The following PNPLA8 variants were observed in gnomAD, a reference collection of about 807,000 sequenced individuals.
PNPLA8 encodes the protein patatin like domain 8, phospholipase A2.
In PNPLA8, 39 loss-of-function variants were observed where a neutral mutation model predicts 76.9. The observed-to-expected ratio is 0.51, with a 90% CI of 0.39 to 0.66. The LOEUF is 0.66. PNPLA8 is among the 30% of genes least tolerant of loss of function. PNPLA8 has a pLI of 0.00. For missense variants in PNPLA8, 887 were observed against 918.0 expected (o/e 0.97, Z 0.44); for synonymous variants, 301 against 307.9 (o/e 0.98, Z 0.24).
chr7:108,515,606 A>T (rs40877), intron 2 of PNPLA8, 32 bp from the exon 3 acceptor site: 6 of 1,228,034 alleles, frequency 4.9e-6, no homozygotes, highest in South Asian at 3.5e-5. Flanking sequence ...TTAGAATTCA[A>T]GTTAAAAATT....
At chr7:108,518,388 C>G (rs996615024) in intron 2 of PNPLA8, 1 of 152,132 alleles carries the variant, frequency 6.6e-6, no homozygotes, top group African/African-American at 2.4e-5. Context: ...AGTATTTTTA[C>G]TGCCCTAAAA....
At chr7:108,506,315 T>C (rs1172607503) in intron 4 of PNPLA8, among the ~76,000 whole-genome samples, 5 of 151,768 alleles carry the variant, frequency 3.3e-5, no homozygotes, top group South Asian at 2.1e-4. Context: ...GAGGCGGAGG[T>C]TGCAGCAAGC....
Position 108,514,890 on chromosome 7 carries a change from C to A in PNPLA8, c.602G>T (p.Gly201Val). 6.2e-7 allele frequency: 1 copy of A among 1,608,638 alleles called. No individual in the cohort carries two copies. Among genetic ancestry groups the A allele is most frequent in the Non-Finnish European group, 8.5e-7 (1 of 1,177,078 alleles). Residue 201 changes from glycine to valine, a missense_variant, in exon 3 of 11, where the codon GGA (glycine) becomes GTA (valine). By Grantham distance (109) the Gly-to-Val change is moderately radical. Transcript: ENST00000257694. ...HYTSSITTKF[G>V]DSFYFLSNHI... Reference sequence around the variant, plus strand: ...ATTTGATAAAAAGTAGAATGAGTCTCCAAATTTTGTGGTTATAGAACTTGT... The same window carrying A: ...ATTTGATAAAAAGTAGAATGAGTCTACAAATTTTGTGGTTATAGAACTTGT...
At chr7:108,509,857 A>T (rs1402662453) in intron 4 of PNPLA8, among the ~76,000 whole-genome samples, 2 of 145,188 alleles carry the variant, frequency 1.4e-5, no homozygotes, top group Admixed American at 1.4e-4. Flanking sequence ...ATAAAAAATG[A>T]TGAGTTCATG....
At chr7:108,510,448 G>A in intron 4 of PNPLA8, 1 of 1,460,450 alleles carries the variant, frequency 6.8e-7, no homozygotes, top group Non-Finnish European at 9.5e-7. Context: ...GAATGGCGAG[G>A]ATGGCAAGAA....
In PNPLA8 at chr7:108,515,466, A is replaced by G. The variant is rs774508387; in HGVS notation, c.26T>C (p.Ile9Thr). Residue 9 changes from isoleucine to threonine, a missense_variant, in exon 3 of 11, where the codon ATA becomes ACA. Physicochemically the swap from Ile to Thr is moderately conservative, Grantham distance 89. Transcript: ENST00000257694. MSINLTVD[I>T]YIYLLSNARS... is the part of the protein sequence containing the mutation. ...TGCATTACTAAGGAGGTAAATATAT[A>G]TATCTACAGTCAGATTAATAGACAT... 13 of 1,541,826 alleles carry G rather than the reference A, an allele frequency of 8.4e-6. No homozygotes were observed. The highest frequency in any genetic ancestry group is 1.0e-5 in the Non-Finnish European group (12 of 1,144,460).
chr7:108,492,570 G>C (rs1253452814), intron 7 of PNPLA8, among the ~76,000 whole-genome samples: 1 of 151,526 alleles, frequency 6.6e-6, no homozygotes, highest in Non-Finnish European at 1.5e-5. Flanking sequence ...ATATAAACTT[G>C]TAAAAAAAGC....
At chr7:108,493,381 G>A (rs1320712434) in intron 7 of PNPLA8, among the ~76,000 whole-genome samples, 1 of 151,858 alleles carries the variant, frequency 6.6e-6, no homozygotes, top group Non-Finnish European at 1.5e-5. Flanking sequence ...AGTATTGATT[G>A]TATGAATACT....
intron 4 of PNPLA8, among the ~76,000 whole-genome samples, chr7:108,504,769 T>C (rs1862217561): frequency 6.6e-6 from 1 of 152,094 alleles, no homozygotes. Context: ...CACACAAATA[T>C]ACCAGTGGAA....
chr7:108,503,360 T>C (rs1297996995), intron 4 of PNPLA8, among the ~76,000 whole-genome samples: 2 of 152,230 alleles, frequency 1.3e-5, no homozygotes, highest in Non-Finnish European at 1.5e-5. Flanking sequence ...ATAATTCTGC[T>C]GTGCAACCTT....
chr7:108,505,762 T>C (rs924606628), intron 4 of PNPLA8, among the ~76,000 whole-genome samples: 3 of 152,114 alleles, frequency 2.0e-5, no homozygotes, highest in African/African-American at 7.2e-5. Flanking sequence ...AAATTAAGAA[T>C]ATCTGTTCAT....
chr7:108,496,257 A>G (rs989322407), intron 7 of PNPLA8, among the ~76,000 whole-genome samples: 17 of 152,190 alleles, frequency 1.1e-4, no homozygotes, highest in African/African-American at 3.9e-4. Flanking sequence ...AAAAATAAAA[A>G]TAATTGAATA....
chr7:108,512,679 C>T (rs1863026407), intron 4 of PNPLA8, among the ~76,000 whole-genome samples: 1 of 152,130 alleles, frequency 6.6e-6, no homozygotes. Context: ...CTAGAGTGTA[C>T]ATGCTGACAC....
At chr7:108,497,709 A>C (rs1446743466) in intron 5 of PNPLA8, 132 bp from the exon 6 acceptor site, 2 of 453,190 alleles carry the variant, frequency 4.4e-6, no homozygotes, top group Non-Finnish European at 3.7e-6. Flanking sequence ...TATAAATCAA[A>C]ATCAGTAAAA....
chr7:108,496,849 G>T, intron 6 of PNPLA8, 94 bp from the exon 7 acceptor site: 1 of 961,632 alleles, frequency 1.0e-6, no homozygotes, highest in Non-Finnish European at 1.5e-6. Flanking sequence ...AAATTTTAGC[G>T]TTGATACTTT....
intron 5 of PNPLA8, among the ~76,000 whole-genome samples, chr7:108,500,722 C>A (rs916729336): frequency 6.6e-6 from 1 of 152,118 alleles, no homozygotes; most frequent in Non-Finnish European, 1.5e-5. Context: ...CCAGCCTTGC[C>A]AACATGGTGA....
chr7:108,491,283 G>T, intron 8 of PNPLA8, 127 bp downstream of exon 8: 1 of 629,100 alleles, frequency 1.6e-6, no homozygotes. Context: ...CTCCAGCCTG[G>T]GCAATAAGAG....
chr7:108,483,340 G>A (rs1200755738), intron 9 of PNPLA8, among the ~76,000 whole-genome samples: 1 of 152,174 alleles, frequency 6.6e-6, no homozygotes, highest in Non-Finnish European at 1.5e-5. Flanking sequence ...ACAGGGCTGT[G>A]TTGACGTTCA....
At chr7:108,494,954 C>G (rs368314355) in intron 7 of PNPLA8, among the ~76,000 whole-genome samples, 10 of 152,006 alleles carry the variant, frequency 6.6e-5, no homozygotes, top group African/African-American at 2.2e-4. Context: ...CATCAAAAAC[C>G]AAAACCTTTT....
Sources: gnomAD v4.1 joint callset for allele counts (sites outside exome capture counted in the v4.1 genomes callset) on GRCh38, gnomAD v4.1.1 for gene constraint, MANE v1.5 for transcripts, NCBI Gene and HGNC (gene_info 2026-07-23, HGNC 2026-07-21) for gene names.